Variants in ZNF185 observed in about 807,000 individuals in gnomAD.
The protein encoded by ZNF185 is zinc finger protein 185 with LIM domain, also known as zinc finger protein 185.
A neutral mutation model predicts 58.6 loss-of-function variants in ZNF185; 56 were observed. The ratio of observed to expected loss-of-function variants is 0.95; its 90% CI spans 0.77 to 1.19. The LOEUF (loss-of-function observed/expected upper bound fraction) is 1.19. ZNF185 is among the 50% of genes most tolerant of loss of function. The probability of loss-of-function intolerance (pLI) is 0.00; values close to 1 mark genes in which losing one functional copy is unlikely to be tolerated. For missense variants in ZNF185, 627 were observed against 573.5 expected (o/e 1.09, Z -0.95); for synonymous variants, 230 against 215.9 (o/e 1.07, Z -0.57).
At chrX:152,966,725 A>G (rs1271278841) in intron 19 of ZNF185, among the ~76,000 whole-genome samples, 1 of 111,770 alleles carries the variant, frequency 8.9e-6, no homozygotes, top group East Asian at 2.8e-4. Context: ...CAATTCTGGA[A>G]CACCTTTGTC....
At chrX:152,902,344 C>T in the ZNF185 span, among the ~76,000 whole-genome samples, 3 of 112,553 alleles carry the variant, frequency 2.7e-5, no homozygotes, top group African/African-American at 6.5e-5. Flanking sequence ...TGGCTCAGCA[C>T]GCCACTTTGT....
intron 15 of ZNF185, among the ~76,000 whole-genome samples, chrX:152,938,542 AGGGGAAGGG>A (rs2125630460): frequency 9.0e-6 from 1 of 111,438 alleles, no homozygotes; most frequent in African/African-American, 3.3e-5. Flanking sequence ...GCGCTAGAGC[AGGGGAAGGG>A]GGCTTCATGG....
the ZNF185 span, among the ~76,000 whole-genome samples, chrX:152,898,243 G>A: frequency 9.0e-6 from 1 of 111,610 alleles, no homozygotes; most frequent in East Asian, 2.9e-4. Flanking sequence ...TGCCAGGTAG[G>A]GCTGTCGAGT....
the ZNF185 span, among the ~76,000 whole-genome samples, chrX:152,900,235 G>A: frequency 8.9e-6 from 1 of 112,398 alleles, no homozygotes; most frequent in African/African-American, 3.2e-5. Flanking sequence ...GCCACGATAG[G>A]CATCGGCACT....
At chrX:152,920,330 C>T (rs782249310) in exon 8 of ZNF185, 2 of 1,210,313 alleles carry the variant, frequency 1.7e-6, no homozygotes, top group Non-Finnish European at 2.2e-6. Flanking sequence ...CACCCCAGGT[C>T]AGAGGCTGCA....
intron 16 of ZNF185, among the ~76,000 whole-genome samples, chrX:152,957,699 G>A (rs1465866450): frequency 8.9e-6 from 1 of 112,235 alleles, no homozygotes; most frequent in Admixed American, 9.4e-5. Context: ...AGCTTGCTGG[G>A]CCATCTTGAG....
intron 5 of ZNF185, 97 bp downstream of exon 6, chrX:152,917,459 G>A: frequency 9.7e-7 from 1 of 1,033,902 alleles, no homozygotes; most frequent in Non-Finnish European, 1.3e-6. Context: ...TCAGGACTGT[G>A]GGGCCTTGGA....
exon 11 of ZNF185, chrX:152,922,798 C>G (rs782337529): frequency 8.4e-7 from 1 of 1,193,517 alleles, no homozygotes; most frequent in Admixed American, 2.3e-5. Context: ...CCGCTGGGAG[C>G]CAGGAGCTCA....
At chrX:152,938,891 TC>T (rs1767503338) in intron 15 of ZNF185, among the ~76,000 whole-genome samples, 1 of 84,604 alleles carries the variant, frequency 1.2e-5, no homozygotes, top group African/African-American at 5.7e-5. Context: ...AAAAGGCAAC[TC>T]AGGCGATCTC....
intron 15 of ZNF185, among the ~76,000 whole-genome samples, chrX:152,940,875 C>T (rs1450035142): frequency 1.8e-5 from 2 of 112,178 alleles, no homozygotes; most frequent in Admixed American, 9.4e-5. Flanking sequence ...TTCAAGGAGT[C>T]TGTTTTGTCA....
intron 11 of ZNF185, among the ~76,000 whole-genome samples, chrX:152,923,692 C>T (rs1940242167): frequency 8.9e-6 from 1 of 112,137 alleles, no homozygotes; most frequent in African/African-American, 3.2e-5. Flanking sequence ...ATAAGGAGCG[C>T]ACAATCTAGA....
In ZNF185 at chrX:152,942,401, C is replaced by T. The variant is rs558207650; in HGVS notation, c.1212-2866C>T. 9.8e-5 allele frequency among the ~76,000 whole-genome samples: 11 copies of T among 111,701 alleles called. No homozygotes were observed. In the South Asian group the frequency reaches 4.1e-3, roughly 42 times the overall value. On this transcript the variant is annotated intron_variant, in intron 15 of 22. Transcript: ENST00000449285. ...CATGTTACTCATCTTCTCTGTGCCT[C>T]AGGTTCCTCACGTGCGGAATAGTGG...
At chrX:152,944,336 G>A (rs1235083708) in intron 15 of ZNF185, among the ~76,000 whole-genome samples, 1 of 112,514 alleles carries the variant, frequency 8.9e-6, no homozygotes, top group Non-Finnish European at 1.9e-5. Flanking sequence ...TCTCGGGGTA[G>A]CCCCCACCAG....
chrX:152,944,372 G>T (rs2047562857), intron 15 of ZNF185, among the ~76,000 whole-genome samples: 1 of 112,554 alleles, frequency 8.9e-6, no homozygotes, highest in Non-Finnish European at 1.9e-5. Context: ...TGGTGATGTT[G>T]GGAAGGTTAT....
chrX:152,957,803 C>G (rs2049005608), intron 16 of ZNF185, among the ~76,000 whole-genome samples: 1 of 112,880 alleles, frequency 8.9e-6, no homozygotes, highest in African/African-American at 3.2e-5. Context: ...ACCAGATTGA[C>G]TACAGCTTAA....
At position 152,963,820 on chromosome X, in the gene ZNF185, C is replaced by G. The variant is rs782817885; in HGVS notation, c.1608-19C>G. The stretch of plus-strand genomic sequence containing the variant: ...AGCTCCCAGGTTGACGTGCCCACCC[C>G]TCCCTTTATTTCTTTCAGGGTGAGG... On this transcript the variant is annotated intron_variant, in intron 17 of 22. Coordinates refer to ENST00000449285, the Ensembl canonical transcript of ZNF185. 3.1e-5 allele frequency: 37 copies of G among 1,200,061 alleles called. No homozygotes were observed. The highest frequency in any genetic ancestry group is 4.0e-5 in the Non-Finnish European group (36 of 889,054).
chrX:152,942,939 C>T (rs2047390357), intron 15 of ZNF185, among the ~76,000 whole-genome samples: 1 of 111,414 alleles, frequency 9.0e-6, no homozygotes, highest in South Asian at 3.7e-4. Context: ...GACCTCATCT[C>T]TACAAATATT....
chrX:152,957,212 C>T (rs1311386709), intron 16 of ZNF185, among the ~76,000 whole-genome samples: 2 of 105,208 alleles, frequency 1.9e-5, no homozygotes, highest in African/African-American at 3.5e-5. Flanking sequence ...GGACTACAGG[C>T]GTGTGCCACC....
the ZNF185 span, among the ~76,000 whole-genome samples, chrX:152,904,710 G>T: frequency 1.8e-5 from 2 of 111,898 alleles, no homozygotes; most frequent in African/African-American, 6.5e-5. Context: ...GCTTGTCCTT[G>T]CACTTCCCAT....
Sources: gnomAD v4.1 joint callset for allele counts (sites outside exome capture counted in the v4.1 genomes callset) on GRCh38, gnomAD v4.1.1 for gene constraint, MANE v1.5 for transcripts, NCBI Gene and HGNC (gene_info 2026-07-23, HGNC 2026-07-21) for gene names.